RIMS4: variants seen among roughly 807,000 people sequenced by gnomAD.
The protein encoded by RIMS4 is regulating synaptic membrane exocytosis protein 4.
A neutral mutation model predicts 29.0 loss-of-function variants in RIMS4; 9 were observed. The ratio of observed to expected loss-of-function variants is 0.31; its 90% CI spans 0.19 to 0.54. The LOEUF is 0.54. Among genes scored for constraint, RIMS4 ranks in the 20% least tolerant of loss-of-function variants. The pLI is 0.94. For synonymous variants in RIMS4, 130 were observed against 152.9 expected (o/e 0.85, Z 1.10); for missense variants, 193 against 365.7 (o/e 0.53, Z 3.85).
At chr20:44,767,839 C>T (rs138789176) in intron 2 of RIMS4, among the ~76,000 whole-genome samples, 24 of 152,322 alleles carry the variant, frequency 1.6e-4, no homozygotes, top group Non-Finnish European at 1.8e-4. Context: ...GAGTTAGCCA[C>T]GGCCATTATT....
At chr20:44,757,966 G>T in intron 3 of RIMS4, 106 bp downstream of exon 3, 1 of 993,964 alleles carries the variant, frequency 1.0e-6, no homozygotes, top group Non-Finnish European at 1.5e-6. Flanking sequence ...GGCGGCATGC[G>T]CAGAGGATGG....
chr20:44,781,217 T>C (rs1455225405), intron 1 of RIMS4, among the ~76,000 whole-genome samples: 5 of 152,304 alleles, frequency 3.3e-5, no homozygotes, highest in East Asian at 1.9e-4. Flanking sequence ...GGTAGACTCA[T>C]AACATAGATG....
At chr20:44,787,327 A>G (rs555486146) in intron 1 of RIMS4, among the ~76,000 whole-genome samples, 2 of 152,314 alleles carry the variant, frequency 1.3e-5, no homozygotes, top group Admixed American at 6.5e-5. Context: ...AATGACAATG[A>G]CGATGTGATG....
At chr20:44,758,529 G>A (rs2066070802) in intron 2 of RIMS4, among the ~76,000 whole-genome samples, 1 of 152,198 alleles carries the variant, frequency 6.6e-6, no homozygotes, top group African/African-American at 2.4e-5. Flanking sequence ...AGACTCTGAG[G>A]GGTGCATTTC....
At chr20:44,793,575 A>G (rs2066242143) in intron 1 of RIMS4, among the ~76,000 whole-genome samples, 1 of 152,160 alleles carries the variant, frequency 6.6e-6, no homozygotes, top group Non-Finnish European at 1.5e-5. Context: ...AAGCCAGGGA[A>G]GGGGTTGAGA....
intron 2 of RIMS4, among the ~76,000 whole-genome samples, chr20:44,766,593 G>C (rs1352016559): frequency 2.6e-5 from 4 of 152,176 alleles, no homozygotes; most frequent in Non-Finnish European, 5.9e-5. Context: ...TGGAAGTGGG[G>C]AGGAATGGAT....
At chr20:44,799,349 C>T (rs1169070861) in intron 1 of RIMS4, among the ~76,000 whole-genome samples, 1 of 152,106 alleles carries the variant, frequency 6.6e-6, no homozygotes, top group Non-Finnish European at 1.5e-5. Context: ...ACCTGACTCC[C>T]CTCAGGGCCC....
In RIMS4 at chr20:44,756,546, G is replaced by A. The variant is rs1157911686; in HGVS notation, c.592-194C>T. Among the ~76,000 whole-genome samples the A allele has an allele frequency of 1.3e-5, 2 of 152,204 alleles. No homozygotes were observed. The highest frequency in any genetic ancestry group is 2.9e-5 in the Non-Finnish European group (2 of 68,038). On this transcript the variant is annotated intron_variant, in intron 5 of 5. Transcript: ENST00000372851. The surrounding 1 kb of genome is among the most constrained non-coding windows in gnomAD (Gnocchi z 5.9). Reference sequence around the variant, plus strand: ...CCCTGGCCTCCAGAGGCTGTTGATGGTAATGGTGACGGTGACGATGGTAAT... The same window carrying A: ...CCCTGGCCTCCAGAGGCTGTTGATGATAATGGTGACGGTGACGATGGTAAT...
chr20:44,766,141 C>A (rs566287948), intron 2 of RIMS4, among the ~76,000 whole-genome samples: 1 of 152,274 alleles, frequency 6.6e-6, no homozygotes, highest in Admixed American at 6.5e-5. Flanking sequence ...TAGGCCCTAC[C>A]CGTTCCATTC....
intron 3 of RIMS4, 68 bp from the exon 4 acceptor site, chr20:44,757,839 T>G: frequency 7.2e-7 from 1 of 1,398,270 alleles, no homozygotes; most frequent in South Asian, 1.2e-5. Context: ...TCAGCTCTTC[T>G]CCTTTACTTA....
At chr20:44,759,904 G>A (rs1319997673) in intron 2 of RIMS4, among the ~76,000 whole-genome samples, 1 of 152,228 alleles carries the variant, frequency 6.6e-6, no homozygotes, top group South Asian at 2.1e-4. Flanking sequence ...TATTCAGCCT[G>A]AGTGCTTTCC....
At position 44,782,907 on chromosome 20, in the gene RIMS4, C is replaced by T. The variant is rs2066191022; in HGVS notation, c.98-11494G>A. Reference sequence around the variant, plus strand: ...TGTTCCAACAAGGTAGCATATTAGCCCATGATAGCACAGATCCATGTTAAC... The same window carrying T: ...TGTTCCAACAAGGTAGCATATTAGCTCATGATAGCACAGATCCATGTTAAC... On this transcript the variant is annotated intron_variant, in intron 1 of 5. Coordinates refer to ENST00000372851, the MANE Select transcript of RIMS4 (RefSeq NM_182970.4). Among the ~76,000 whole-genome samples the T allele has an allele frequency of 2.0e-5, 3 of 152,290 alleles. No homozygotes were observed. In the South Asian group the frequency reaches 6.2e-4, roughly 32 times the overall value.
At chr20:44,771,534 C>A in intron 1 of RIMS4, 121 bp from the exon 2 acceptor site, 1 of 1,085,020 alleles carries the variant, frequency 9.2e-7, no homozygotes, top group Non-Finnish European at 1.3e-6. Context: ...TCAGCCTCCA[C>A]CCTCAGCCCA....
At chr20:44,787,122 A>T (rs1204272496) in intron 1 of RIMS4, among the ~76,000 whole-genome samples, 1 of 152,172 alleles carries the variant, frequency 6.6e-6, no homozygotes, top group Non-Finnish European at 1.5e-5. Context: ...CAGGGAACAG[A>T]AACGTAAAGG....
rs74693793 is a variant in RIMS4 at position 44,808,772 on chromosome 20, A to T, written c.97+1403T>A. On this transcript the variant is annotated intron_variant, in intron 1 of 5. Coordinates refer to ENST00000372851, the MANE Select transcript of RIMS4 (RefSeq NM_182970.4). ...CAACAAATTCTTCTGGAGAAAGGGC[A>T]GGAAGACATGCCCACCACTTCATCC... is the stretch of plus-strand genomic sequence containing the variant. 8.4e-3 allele frequency among the ~76,000 whole-genome samples: 1,284 copies of T among 152,336 alleles called. 19 individuals are homozygous for T. Among genetic ancestry groups the T allele is most frequent in the African/African-American group, 0.028 (1,146 of 41,578 alleles).
At chr20:44,791,998 G>A (rs995482311) in intron 1 of RIMS4, among the ~76,000 whole-genome samples, 1 of 152,012 alleles carries the variant, frequency 6.6e-6, no homozygotes, top group African/African-American at 2.4e-5. Flanking sequence ...CCAGTGATCT[G>A]GGGCACCTTC....
chr20:44,808,213 T>A (rs977062875), intron 1 of RIMS4, among the ~76,000 whole-genome samples: 1 of 152,114 alleles, frequency 6.6e-6, no homozygotes, highest in Non-Finnish European at 1.5e-5. Flanking sequence ...TTTCTAGGTC[T>A]CTTCCAAGTG....
chr20:44,764,684 T>A (rs950616039), intron 2 of RIMS4, among the ~76,000 whole-genome samples: 1 of 152,184 alleles, frequency 6.6e-6, no homozygotes, highest in South Asian at 2.1e-4. Context: ...GTTTTGTGTA[T>A]TCTTATGTGG....
At chr20:44,802,056 T>C (rs2066279678) in intron 1 of RIMS4, among the ~76,000 whole-genome samples, 1 of 152,120 alleles carries the variant, frequency 6.6e-6, no homozygotes, top group African/African-American at 2.4e-5. Context: ...AGACTCTGGG[T>C]GGGCCCAGCA....
Sources: allele counts gnomAD v4.1 joint callset (sites outside exome capture counted in the v4.1 genomes callset), GRCh38; gene constraint gnomAD v4.1.1; non-coding constraint Gnocchi (gnomAD v3.1); transcripts MANE v1.5; gene names NCBI Gene and HGNC (gene_info 2026-07-23, HGNC 2026-07-21).